The following SEMA5A variants were observed in gnomAD, a reference collection of about 807,000 sequenced individuals.
SEMA5A encodes the protein semaphorin 5A.
SEMA5A carries 55 observed loss-of-function variants against 135.5 expected under a neutral mutation model. The ratio of observed to expected loss-of-function variants is 0.41; its 90% CI spans 0.33 to 0.51. SEMA5A has a LOEUF of 0.51. Ranked by LOEUF, SEMA5A falls within the 20% of genes least tolerant of loss-of-function variation. SEMA5A has a pLI of 0.37. For synonymous variants in SEMA5A, 580 were observed against 546.5 expected, an observed-to-expected ratio of 1.06 and a Z score of -0.85; for missense variants, 1,290 against 1,419.9, an observed-to-expected ratio of 0.91 and a Z score of 1.47.
At chr5:9,196,708 T>C (rs1745404594) in intron 10 of SEMA5A, among the ~76,000 whole-genome samples, 1 of 152,206 alleles carries the variant, frequency 6.6e-6, no homozygotes, top group African/African-American at 2.4e-5. Flanking sequence ...TTTCCTCAGC[T>C]GCCTGCATCA....
intron 10 of SEMA5A, among the ~76,000 whole-genome samples, chr5:9,194,358 T>C (rs1418923095): frequency 6.6e-6 from 1 of 152,240 alleles, no homozygotes; most frequent in Non-Finnish European, 1.5e-5. Flanking sequence ...TGAATCCAAT[T>C]CTGCTTTCTG....
rs1002197906 is a variant in SEMA5A, at chr5:9,041,746, A to G, written c.*1151T>C. On this transcript the variant is annotated 3_prime_UTR_variant, in exon 23 of 23. Coordinates refer to ENST00000382496, the MANE Select transcript of SEMA5A (RefSeq NM_003966.3). ...TCCCCTGGCCTGGAGGCAGCAAGTA[A>G]CAGCAGAAACTGGGGGTAGCACTTC... The G allele has an allele frequency of 2.0e-5, 3 of 152,678 alleles. No individual in the cohort carries two copies. The highest frequency in any genetic ancestry group is 7.2e-5 in the African/African-American group (3 of 41,450). The allele number at this position is 152,678 out of a possible 1,614,324, so 9.5% of individuals were successfully genotyped here.
rs184688072 is a variant in SEMA5A, at chr5:9,193,437, T to C, written c.1069-2966A>G. On this transcript the variant is annotated intron_variant, in intron 10 of 22. Coordinates refer to ENST00000382496, the MANE Select transcript of SEMA5A (RefSeq NM_003966.3). ...GTAATTCTACAATTTTTTTAAATGA[T>C]AATAAATATTTGCACTTTTGTTTAT... Among the ~76,000 whole-genome samples the C allele has an allele frequency of 3.9e-5, 6 of 152,380 alleles. No homozygotes were observed. The East Asian group carries it at 1.2e-3, about 29-fold the overall frequency.
chr5:9,182,149 G>GCCCCC (rs766612426), intron 11 of SEMA5A, among the ~76,000 whole-genome samples: 9 of 123,130 alleles, frequency 7.3e-5, no homozygotes, highest in African/African-American at 2.8e-4. Flanking sequence ...TATTGCTTCT[G>GCCCCC]CCCCCCACCC....
At chr5:9,062,406 CT>C (rs1737232440) in intron 18 of SEMA5A, among the ~76,000 whole-genome samples, 1 of 152,112 alleles carries the variant, frequency 6.6e-6, no homozygotes, top group Non-Finnish European at 1.5e-5. Flanking sequence ...TTTTTCTTTC[CT>C]TTTTCCACTC....
intron 5 of SEMA5A, among the ~76,000 whole-genome samples, chr5:9,242,411 G>A (rs917409091): frequency 2.6e-5 from 4 of 152,164 alleles, no homozygotes; most frequent in African/African-American, 7.2e-5. Flanking sequence ...TTACTTCCTA[G>A]TGGATATTCA....
In SEMA5A at chr5:9,044,416, T is replaced by A; in HGVS notation, c.3062A>T (p.His1021Leu). 6.2e-7 allele frequency: 1 copy of A among 1,613,536 alleles called. No homozygotes were observed. The highest frequency in any genetic ancestry group is 8.5e-7 in the Non-Finnish European group (1 of 1,179,874). The change falls in exon 22 of 23, where the codon CAC (histidine) becomes CTC (leucine). Residue 1021 changes from histidine (H) to leucine (L), a missense_variant. This residue lies in a region of SEMA5A where 1,029 missense variants were observed against 1,086.6 expected (regional missense o/e 0.95). Coordinates refer to ENST00000382496, the MANE Select transcript of SEMA5A (RefSeq NM_003966.3). ...PAPLNTSITN[H>L]INKLDKYDSV... ...GTCGTACTTGTCCAGTTTGTTGATG[T>A]GGTTGGTTATGCTGGTATTAAGGGG...
intron 1 of SEMA5A, among the ~76,000 whole-genome samples, chr5:9,509,259 A>AATTATTATTATTATTATT (rs112585205): frequency 1.3e-4 from 19 of 149,918 alleles, no homozygotes; most frequent in African/African-American, 4.4e-4. Flanking sequence ...TCCAACATAA[A>AATTATTATTATTATTATT]ATTATTATTA....
chr5:9,440,134 A>C (rs991961556), intron 1 of SEMA5A, among the ~76,000 whole-genome samples: 1 of 152,264 alleles, frequency 6.6e-6, no homozygotes, highest in African/African-American at 2.4e-5. Flanking sequence ...ATAGTGACAA[A>C]GCAGAGGCCT....
intron 14 of SEMA5A, among the ~76,000 whole-genome samples, chr5:9,121,304 C>A (rs1740800918): frequency 6.6e-6 from 1 of 152,122 alleles, no homozygotes; most frequent in Non-Finnish European, 1.5e-5. Flanking sequence ...ATAAAGTAAA[C>A]AGAGATCAGG....
intron 2 of SEMA5A, among the ~76,000 whole-genome samples, chr5:9,418,500 C>G (rs543763945): frequency 6.6e-6 from 1 of 152,214 alleles, no homozygotes; most frequent in Non-Finnish European, 1.5e-5. Context: ...GCCTCAGTAG[C>G]ATCAGCATTT....
intron 11 of SEMA5A, 23 bp downstream of exon 11, chr5:9,190,244 T>A: frequency 6.2e-7 from 1 of 1,611,388 alleles, no homozygotes; most frequent in Non-Finnish European, 8.5e-7. Context: ...AGAAAACCCC[T>A]CAGAGGGGGC....
intron 12 of SEMA5A, among the ~76,000 whole-genome samples, chr5:9,145,954 AC>A (rs1451652169): frequency 3.3e-5 from 5 of 152,100 alleles, no homozygotes; most frequent in African/African-American, 1.2e-4. Context: ...CAAGAAGGAA[AC>A]TTTTTCTTTC....
At chr5:9,159,542 G>C (rs1743134771) in intron 11 of SEMA5A, among the ~76,000 whole-genome samples, 1 of 98,884 alleles carries the variant, frequency 1.0e-5, no homozygotes, top group Non-Finnish European at 2.9e-5. Flanking sequence ...TTATTAAAAA[G>C]TCCAGAAACA....
intron 1 of SEMA5A, among the ~76,000 whole-genome samples, chr5:9,491,347 A>G (rs959777820): frequency 8.5e-5 from 13 of 152,138 alleles, no homozygotes; most frequent in African/African-American, 3.1e-4. Context: ...GTCCAAATCC[A>G]TAGAATATAC....
chr5:9,375,501 T>C (rs945984205), intron 3 of SEMA5A, among the ~76,000 whole-genome samples: 3 of 151,356 alleles, frequency 2.0e-5, no homozygotes, highest in Admixed American at 2.0e-4. Context: ...GATCGGTTCT[T>C]CTCTAGAGAC....
chr5:9,258,128 A>G (rs539842385), intron 5 of SEMA5A, among the ~76,000 whole-genome samples: 1 of 152,334 alleles, frequency 6.6e-6, no homozygotes, highest in Admixed American at 6.5e-5. Context: ...CATATTACTA[A>G]CATAAAAAAA....
At chr5:9,146,783 T>C (rs1742361990) in intron 12 of SEMA5A, among the ~76,000 whole-genome samples, 1 of 152,152 alleles carries the variant, frequency 6.6e-6, no homozygotes, top group Non-Finnish European at 1.5e-5. Context: ...TGTATTGAGT[T>C]CAATAAATAT....
rs1248667282 is a variant in SEMA5A, at chr5:9,474,452, G to A, written c.-174-36600C>T. Among the ~76,000 whole-genome samples, 6 of 150,602 alleles carry A rather than the reference G, an allele frequency of 4.0e-5. 1 individual carries two copies. Among genetic ancestry groups the A allele is most frequent in the Non-Finnish European group, 7.4e-5 (5 of 67,818 alleles). On this transcript the variant is annotated intron_variant, in intron 1 of 22. Coordinates refer to ENST00000382496, the MANE Select transcript of SEMA5A (RefSeq NM_003966.3). ...AACAGGAGTCTGGCTTGAAAAAGAC[G>A]CAAGAGTAAATAGGCACATGTGAGA... is the stretch of plus-strand genomic sequence containing the variant.
Sources: gnomAD v4.1 joint callset for allele counts (sites outside exome capture counted in the v4.1 genomes callset) on GRCh38, gnomAD v4.1.1 for gene constraint, gnomAD v4.1.1 regional missense constraint, MANE v1.5 for transcripts, NCBI Gene and HGNC (gene_info 2026-07-23, HGNC 2026-07-21) for gene names.